ATL1: variants seen among roughly 807,000 people sequenced by gnomAD.
ATL1 encodes atlastin GTPase 1.
ATL1 carries 31 observed loss-of-function variants against 75.5 expected under a neutral mutation model. The observed-to-expected ratio is 0.41, with a 90% CI of 0.31 to 0.55. The LOEUF is 0.55. ATL1 is among the 20% of genes least tolerant of loss of function. The pLI is 0.27. For missense variants in ATL1, 405 were observed against 662.6 expected (o/e 0.61, Z 4.27); for synonymous variants, 226 against 233.3 (o/e 0.97, Z 0.28).
intron 1 of ATL1, among the ~76,000 whole-genome samples, chr14:50,564,909 A>G (rs1478075587): frequency 1.3e-5 from 2 of 151,808 alleles, no homozygotes; most frequent in African/African-American, 4.8e-5. Flanking sequence ...GCTATATTCT[A>G]TTTTTCTTGA....
intron 1 of ATL1, among the ~76,000 whole-genome samples, chr14:50,539,881 C>T (rs956499961): frequency 6.6e-6 from 1 of 152,210 alleles, no homozygotes; most frequent in Non-Finnish European, 1.5e-5. Context: ...CCCTGGCATA[C>T]TGTAGAAGAA....
intron 1 of ATL1, chr14:50,560,510 G>A (rs2038825675): frequency 1.6e-6 from 1 of 616,372 alleles, no homozygotes; most frequent in Non-Finnish European, 2.8e-6. Context: ...GGTGAGGGCT[G>A]CAGCTTCGCG....
chr14:50,632,142 T>G, intron 13 of ATL1, 87 bp from the exon 14 acceptor site: 1 of 775,074 alleles, frequency 1.3e-6, no homozygotes. Flanking sequence ...ATGCTAAATT[T>G]TATACAGTAC....
intron 8 of ATL1, among the ~76,000 whole-genome samples, chr14:50,616,126 T>C (rs1486545409): frequency 6.6e-6 from 1 of 151,870 alleles, no homozygotes; most frequent in Non-Finnish European, 1.5e-5. Context: ...CCCAAGTAGC[T>C]AGGACTAAAG....
In ATL1 at chr14:50,628,064, A is replaced by G; in HGVS notation, c.1153A>G (p.Asn385Asp). 6.2e-7 allele frequency: 1 copy of G among 1,614,214 alleles called. No individual in the cohort carries two copies. The highest frequency in any genetic ancestry group is 8.5e-7 in the Non-Finnish European group (1 of 1,180,042). Residue 385 changes from asparagine to aspartate, a missense_variant, in exon 12 of 14, where the codon AAT becomes GAT. Around this residue, in one of 5 missense-constraint regions of ATL1, gnomAD observed 163 missense variants for 244.1 expected, o/e 0.67. Coordinates refer to ENST00000358385, the MANE Select transcript of ATL1 (RefSeq NM_015915.5). ...TGGTGACAAACCATTTCTGGCCCCA[A>G]ATGACTTGCAGACCAAACACCTGCA... ...CGGDKPFLAP[N>D]DLQTKHLQLK...
At chr14:50,580,814 C>T (rs997408014) in intron 1 of ATL1, among the ~76,000 whole-genome samples, 79 of 152,124 alleles carry the variant, frequency 5.2e-4, no homozygotes, top group African/African-American at 1.7e-3. Flanking sequence ...GAAGAGTTCA[C>T]CAGGGAAGCT....
chr14:50,566,402 A>G (rs1248818348), intron 1 of ATL1, among the ~76,000 whole-genome samples: 1 of 152,176 alleles, frequency 6.6e-6, no homozygotes, highest in African/African-American at 2.4e-5. Flanking sequence ...AAATATATAT[A>G]TATCCCTAAA....
rs757856852 is a variant in ATL1, at chr14:50,572,592, A to G, written c.34+12293A>G. Among the ~76,000 whole-genome samples, 12 of 151,290 alleles carry G rather than the reference A, an allele frequency of 7.9e-5. 1 individual carries two copies. The Middle Eastern group carries it at 0.017, about 216-fold the overall frequency. ...TCCTTTTTTCTTTTCTATTTATTTA[A>G]TTTCTGTGCATCTCTATTATTATAC... is the stretch of plus-strand genomic sequence containing the variant. On this transcript the variant is annotated intron_variant, in intron 1 of 13. Coordinates refer to ENST00000358385, the MANE Select transcript of ATL1 (RefSeq NM_015915.5).
intron 2 of ATL1, 37 bp from the exon 3 acceptor site, chr14:50,590,904 T>A (rs759686747): frequency 7.9e-5 from 127 of 1,605,882 alleles, no homozygotes; most frequent in Non-Finnish European, 1.0e-4. Context: ...TATATACACA[T>A]ATCAAGTTCC....
chr14:50,549,533 A>G (rs184126840), intron 1 of ATL1, among the ~76,000 whole-genome samples: 1 of 152,326 alleles, frequency 6.6e-6, no homozygotes, highest in African/African-American at 2.4e-5. Context: ...TGGACACAAC[A>G]ATGGGGCTAC....
intron 1 of ATL1, among the ~76,000 whole-genome samples, chr14:50,564,812 A>G (rs968655844): frequency 3.9e-5 from 6 of 152,048 alleles, no homozygotes; most frequent in African/African-American, 1.4e-4. Context: ...TGGAAAATTA[A>G]TTTTTAGGTT....
chr14:50,575,327 A>G (rs2140189452), intron 1 of ATL1, among the ~76,000 whole-genome samples: 1 of 152,248 alleles, frequency 6.6e-6, no homozygotes, highest in Non-Finnish European at 1.5e-5. Flanking sequence ...CAGGATCTGC[A>G]TTAATCCTTT....
At chr14:50,560,062 C>T, upstream of ATL1, 1 of 625,986 alleles carries the variant, frequency 1.6e-6, no homozygotes, top group East Asian at 2.8e-5. Context: ...TGAACTCGGG[C>T]TTGTGATGCT....
intron 8 of ATL1, among the ~76,000 whole-genome samples, chr14:50,619,270 A>G (rs1330995944): frequency 1.3e-5 from 2 of 152,122 alleles, no homozygotes; most frequent in East Asian, 3.9e-4. Flanking sequence ...CGTGTTAGCC[A>G]GGATGGTGTC....
In ATL1 at chr14:50,631,894, C is replaced by T. The variant is rs2291673; in HGVS notation, c.1567-335C>T. On this transcript the variant is annotated intron_variant, in intron 13 of 13. Transcript: ENST00000358385. ...GCCAATCAGAAGTTATGAGGTCTTA[C>T]AATTCATCTAAAACTGCTAATATTC... is the stretch of plus-strand genomic sequence containing the variant. 1.4e-3 allele frequency among the ~76,000 whole-genome samples: 214 copies of T among 152,272 alleles called. 5 individuals are homozygous for T. In the East Asian group the frequency reaches 0.036, roughly 26 times the overall value.
chr14:50,564,647 CAAAAAAAAAAAAA>C (rs60054322), intron 1 of ATL1, among the ~76,000 whole-genome samples: 147 of 40,004 alleles, frequency 3.7e-3, no homozygotes, highest in Middle Eastern at 0.026. Context: ...GATTCCGTCT[CAAAAAAAAAAAAA>C]AAAAAAAAAA....
intron 2 of ATL1, among the ~76,000 whole-genome samples, chr14:50,588,896 C>T (rs910362575): frequency 6.6e-6 from 1 of 152,112 alleles, no homozygotes; most frequent in Admixed American, 6.5e-5. Context: ...TTGAAGTATG[C>T]ATCCCAAGAC....
chr14:50,555,548 T>C (rs1418287656), upstream of ATL1, among the ~76,000 whole-genome samples: 2 of 152,226 alleles, frequency 1.3e-5, no homozygotes, highest in Admixed American at 1.3e-4. Context: ...CCTCTCAAAG[T>C]GCTGGGATTA....
chr14:50,591,544 T>C lies in ATL1; in HGVS notation c.427T>C (p.Leu143=). The change falls in exon 4 of 14, where the codon TTA becomes CTA. Residue 143 remains leucine, a synonymous_variant. Transcript: ENST00000358385. The part of the protein sequence containing the change: ...NKPDGKKVAV[L]LMDTQGTFDS... ...CTCTTCTTGCCTGTAGGTTGCAGTGTTATTGATGGATACTCAGGGAACCTT... is the reference window on the plus strand; with the variant it reads ...CTCTTCTTGCCTGTAGGTTGCAGTGCTATTGATGGATACTCAGGGAACCTT... 1 of 1,612,592 alleles carries C rather than the reference T, an allele frequency of 6.2e-7. No individual in the cohort carries two copies. Among genetic ancestry groups the C allele is most frequent in the Non-Finnish European group, 8.5e-7 (1 of 1,178,770 alleles).
Sources: gnomAD v4.1 joint callset for allele counts (sites outside exome capture counted in the v4.1 genomes callset) on GRCh38, gnomAD v4.1.1 for gene constraint, gnomAD v4.1.1 regional missense constraint, MANE v1.5 for transcripts, NCBI Gene and HGNC (gene_info 2026-07-23, HGNC 2026-07-21) for gene names.